Variants in LRP1B observed in about 807,000 individuals in gnomAD.
LRP1B encodes the protein LDL receptor related protein 1B.
Under a neutral mutation model 556.6 loss-of-function variants are expected in LRP1B, and 217 were observed. The observed-to-expected ratio is 0.39, with a 90% CI of 0.35 to 0.44. The LOEUF (loss-of-function observed/expected upper bound fraction) is 0.44, where lower values mean the gene tolerates loss of function less well. Ranked by LOEUF, LRP1B falls within the 20% of genes least tolerant of loss-of-function variation. The probability of loss-of-function intolerance (pLI) is 1.00; values close to 1 mark genes in which losing one functional copy is unlikely to be tolerated. For missense variants in LRP1B, 5,053 were observed against 5,620.8 expected (o/e 0.90, Z 3.23); for synonymous variants, 2,047 against 1,865.8 (o/e 1.10, Z -2.50).
At chr2:141,417,194 G>A (rs1691138637) in intron 3 of LRP1B, among the ~76,000 whole-genome samples, 1 of 152,012 alleles carries the variant, frequency 6.6e-6, no homozygotes, top group Non-Finnish European at 1.5e-5. Context: ...AGGCATATTT[G>A]CCAATTTAAA....
At chr2:141,738,382 A>T (rs1483198030) in intron 2 of LRP1B, among the ~76,000 whole-genome samples, 1 of 152,132 alleles carries the variant, frequency 6.6e-6, no homozygotes, top group African/African-American at 2.4e-5. Context: ...TACACAATGC[A>T]GTGCTCCATG....
chr2:140,952,444 T>G (rs2105303830), intron 18 of LRP1B, among the ~76,000 whole-genome samples: 1 of 151,942 alleles, frequency 6.6e-6, no homozygotes, highest in South Asian at 2.1e-4. Context: ...ATAAAATCAT[T>G]TAGGTAAGCC....
At chr2:140,561,194 C>A (rs1291541175) in intron 43 of LRP1B, among the ~76,000 whole-genome samples, 1 of 152,164 alleles carries the variant, frequency 6.6e-6, no homozygotes, top group Non-Finnish European at 1.5e-5. Flanking sequence ...ACTTTTCCCA[C>A]CTCTCTGTCT....
intron 25 of LRP1B, among the ~76,000 whole-genome samples, chr2:140,880,852 A>C (rs1194574234): frequency 2.0e-5 from 3 of 152,162 alleles, no homozygotes; most frequent in Non-Finnish European, 4.4e-5. Flanking sequence ...TAAGTTACAT[A>C]TAAACAAATT....
chr2:142,023,928 T>C (rs992013907), intron 1 of LRP1B, among the ~76,000 whole-genome samples: 2 of 152,226 alleles, frequency 1.3e-5, no homozygotes, highest in Non-Finnish European at 2.9e-5. Flanking sequence ...ATACTACTAC[T>C]TATTTTCTCT....
At chr2:141,651,606 A>T (rs1038433703) in intron 2 of LRP1B, among the ~76,000 whole-genome samples, 1 of 152,210 alleles carries the variant, frequency 6.6e-6, no homozygotes, top group African/African-American at 2.4e-5. Context: ...TGGAGGTTGC[A>T]GTGAGCAGAG....
intron 3 of LRP1B, among the ~76,000 whole-genome samples, chr2:141,379,215 T>G (rs376388875): frequency 2.0e-5 from 3 of 152,112 alleles, no homozygotes; most frequent in African/African-American, 7.2e-5. Flanking sequence ...CATAACTATT[T>G]TAAAGTGCTA....
chr2:141,963,078 T>G (rs1460762249), intron 1 of LRP1B, among the ~76,000 whole-genome samples: 4 of 151,848 alleles, frequency 2.6e-5, no homozygotes, highest in African/African-American at 9.7e-5. Flanking sequence ...GGGTTTTTTC[T>G]ATCTAAAAAT....
At chr2:141,554,747 A>G (rs1685897784) in intron 2 of LRP1B, among the ~76,000 whole-genome samples, 1 of 152,024 alleles carries the variant, frequency 6.6e-6, no homozygotes, top group East Asian at 1.9e-4. Flanking sequence ...TCAAAAAATG[A>G]CTGCCTTGAA....
At chr2:141,483,649 G>A (rs1683007515) in intron 2 of LRP1B, among the ~76,000 whole-genome samples, 1 of 151,794 alleles carries the variant, frequency 6.6e-6, no homozygotes, top group South Asian at 2.1e-4. Flanking sequence ...TTCAATGATT[G>A]CCATTCTAAC....
intron 66 of LRP1B, among the ~76,000 whole-genome samples, chr2:140,415,409 C>A (rs992417958): frequency 5.3e-5 from 8 of 152,126 alleles, no homozygotes; most frequent in South Asian, 2.1e-4. Context: ...TCTTACACCC[C>A]CTCTCCTTTT....
chr2:140,809,041 TTC>T (rs1320543175), intron 32 of LRP1B, among the ~76,000 whole-genome samples: 2 of 152,040 alleles, frequency 1.3e-5, no homozygotes, highest in Admixed American at 1.3e-4. Flanking sequence ...TTCCATCCTT[TTC>T]TCTCAGTAAC....
At chr2:140,619,329 G>A (rs1316587652) in intron 41 of LRP1B, among the ~76,000 whole-genome samples, 1 of 151,914 alleles carries the variant, frequency 6.6e-6, no homozygotes, top group Non-Finnish European at 1.5e-5. Flanking sequence ...TTGTTCTTAT[G>A]TTTTGGTTTT....
intron 15 of LRP1B, among the ~76,000 whole-genome samples, chr2:141,001,112 C>T (rs1466266800): frequency 1.3e-5 from 2 of 151,936 alleles, no homozygotes; most frequent in African/African-American, 4.8e-5. Flanking sequence ...AATGCAAGTC[C>T]CCTCCCCCTG....
intron 21 of LRP1B, among the ~76,000 whole-genome samples, chr2:140,922,552 C>T (rs530365318): frequency 9.7e-4 from 148 of 152,046 alleles, no homozygotes; most frequent in African/African-American, 3.2e-3. Flanking sequence ...GCCTTATCTA[C>T]GGAAAGAGAA....
chr2:140,533,314 AT>A (rs1690804360), intron 47 of LRP1B, among the ~76,000 whole-genome samples: 1 of 152,066 alleles, frequency 6.6e-6, no homozygotes, highest in South Asian at 2.1e-4. Context: ...TTATTTAATT[AT>A]TTTTTCTACC....
At chr2:141,242,922 C>A (rs1264989722) in intron 5 of LRP1B, among the ~76,000 whole-genome samples, 3 of 152,074 alleles carry the variant, frequency 2.0e-5, no homozygotes, top group Non-Finnish European at 4.4e-5. Context: ...ACAAGTTCTA[C>A]ATGAGCCTGC....
At chr2:140,901,051 TTTTG>T (rs1282548371) in intron 23 of LRP1B, among the ~76,000 whole-genome samples, 2 of 152,118 alleles carry the variant, frequency 1.3e-5, no homozygotes, top group African/African-American at 4.8e-5. Flanking sequence ...TAATTTTTAT[TTTTG>T]TGAGTACATA....
chr2:140,454,272 C>A (rs897546304), intron 62 of LRP1B, among the ~76,000 whole-genome samples: 1 of 152,112 alleles, frequency 6.6e-6, no homozygotes, highest in Non-Finnish European at 1.5e-5. Flanking sequence ...CCTCACCCTC[C>A]CAAGTAGCTG....
Sources: allele counts gnomAD v4.1 joint callset (sites outside exome capture counted in the v4.1 genomes callset), GRCh38; gene constraint gnomAD v4.1.1; transcripts MANE v1.5; gene names NCBI Gene and HGNC (gene_info 2026-07-23, HGNC 2026-07-21).